Variants in RTN4IP1 observed in about 807,000 individuals in gnomAD.
The protein encoded by RTN4IP1 is NAD(P)H oxidoreductase RTN4IP1, mitochondrial.
A neutral mutation model predicts 46.6 loss-of-function variants in RTN4IP1; 32 were observed. That is an observed-to-expected ratio of 0.69 (90% CI 0.52 to 0.92). RTN4IP1 has a LOEUF of 0.92. Among genes scored for constraint, RTN4IP1 ranks in the 40% least tolerant of loss-of-function variants. RTN4IP1 has a pLI of 0.00. For missense variants in RTN4IP1, 424 were observed against 485.8 expected (o/e 0.87, Z 1.20); for synonymous variants, 167 against 161.8 (o/e 1.03, Z -0.24).
chr6:106,625,487 C>CAA (rs1776611421), intron 1 of RTN4IP1, among the ~76,000 whole-genome samples: 1 of 152,032 alleles, frequency 6.6e-6, no homozygotes, highest in Non-Finnish European at 1.5e-5. Context: ...CTGCCAGGAG[C>CAA]AACTGCTGTG....
chr6:106,573,933 C>T (rs78109497), intron 8 of RTN4IP1, among the ~76,000 whole-genome samples: 5,040 of 152,274 alleles, frequency 0.033, 273 homozygotes, highest in East Asian at 0.19. Flanking sequence ...GTGTGCTACA[C>T]GGGTGCCATC....
At chr6:106,587,274 A>G (rs1775509877) in intron 7 of RTN4IP1, among the ~76,000 whole-genome samples, 1 of 152,268 alleles carries the variant, frequency 6.6e-6, no homozygotes. Context: ...CATCAGGTAG[A>G]GACAAGAAGG....
chr6:106,610,846 C>G (rs1562149014), intron 4 of RTN4IP1, among the ~76,000 whole-genome samples: 1 of 151,998 alleles, frequency 6.6e-6, no homozygotes, highest in East Asian at 1.9e-4. Flanking sequence ...ATTCTTAAAC[C>G]CTAAAATCTA....
chr6:106,604,468 C>A (rs888401704), intron 4 of RTN4IP1, among the ~76,000 whole-genome samples: 1 of 152,088 alleles, frequency 6.6e-6, no homozygotes, highest in South Asian at 2.1e-4. Context: ...AGCCTCAGAA[C>A]GAAGGTCTCT....
At chr6:106,605,800 G>A in intron 4 of RTN4IP1, among the ~76,000 whole-genome samples, 1 of 120,818 alleles carries the variant, frequency 8.3e-6, no homozygotes, top group Admixed American at 1.1e-4. Context: ...CTGGGCGACA[G>A]AGCAAGACTC....
Position 106,628,853 on chromosome 6 carries a change from G to T in RTN4IP1, c.169C>A (p.Leu57Ile), listed in dbSNP as rs1776728162. 1 of 1,614,104 alleles carries T rather than the reference G, an allele frequency of 6.2e-7. No homozygotes were observed. The highest frequency in any genetic ancestry group is 8.5e-7 in the Non-Finnish European group (1 of 1,179,964). ...ATCATCATGTTCTGAGTGAATCGAAGCACTTCATTCTTCCCATATTTATCT... is the reference window on the plus strand; with the variant it reads ...ATCATCATGTTCTGAGTGAATCGAATCACTTCATTCTTCCCATATTTATCT... ...VIDKYGKNEV[L>I]RFTQNMMMPI... Residue 57 changes from leucine (L) to isoleucine (I), a missense_variant, in exon 1 of 9, where the codon CTT becomes ATT. Physicochemically the swap from Leu to Ile is conservative, Grantham distance 5. Transcript: ENST00000369063.
intron 1 of RTN4IP1, among the ~76,000 whole-genome samples, chr6:106,626,697 G>A (rs777254459): frequency 6.6e-6 from 1 of 152,150 alleles, no homozygotes; most frequent in South Asian, 2.1e-4. Flanking sequence ...GTTAGTAATT[G>A]AGAACCTGTT....
At chr6:106,582,360 T>C (rs1173467698) in intron 8 of RTN4IP1, among the ~76,000 whole-genome samples, 1 of 152,202 alleles carries the variant, frequency 6.6e-6, no homozygotes, top group Non-Finnish European at 1.5e-5. Context: ...CTCCAGTCCC[T>C]GCCCACTGCA....
In RTN4IP1 at chr6:106,621,601, G is replaced by T; in HGVS notation, c.427-108C>A. The T allele has an allele frequency of 4.8e-6, 4 of 829,202 alleles. No individual in the cohort carries two copies. The East Asian group carries it at 9.7e-5, about 20-fold the overall frequency. 51.4% of individuals were successfully genotyped at this position (829,202 alleles called of 1,614,324 possible). ...TATACCCTGTGCTGTGAAAAACACA[G>T]AAGTCAGCACTACACCAAGCAGGAG... On this transcript the variant is annotated intron_variant, in intron 2 of 8. Coordinates refer to ENST00000369063, the MANE Select transcript of RTN4IP1 (RefSeq NM_032730.5).
At chr6:106,580,468 C>A (rs1775338435) in intron 8 of RTN4IP1, among the ~76,000 whole-genome samples, 1 of 151,926 alleles carries the variant, frequency 6.6e-6, no homozygotes, top group Admixed American at 6.6e-5. Flanking sequence ...TCTGTAATCC[C>A]AGCACTTTGG....
chr6:106,624,411 G>GTGA (rs1776578379), intron 1 of RTN4IP1, among the ~76,000 whole-genome samples: 1 of 151,734 alleles, frequency 6.6e-6, no homozygotes, highest in Non-Finnish European at 1.5e-5. Context: ...ATGCAGTGAT[G>GTGA]TGATCTTGGC....
At chr6:106,573,268 G>C (rs1387262254) in intron 8 of RTN4IP1, among the ~76,000 whole-genome samples, 2 of 152,210 alleles carry the variant, frequency 1.3e-5, no homozygotes, top group African/African-American at 2.4e-5. Flanking sequence ...TCAGTGGCCT[G>C]CCTCCCATAG....
At chr6:106,621,330 A>T (rs1363309298) in intron 3 of RTN4IP1, 95 bp downstream of exon 3, 9 of 930,330 alleles carry the variant, frequency 9.7e-6, no homozygotes, top group Middle Eastern at 2.2e-4. Context: ...TGCCCCATCA[A>T]ACATAAACTA....
intron 7 of RTN4IP1, among the ~76,000 whole-genome samples, chr6:106,586,191 T>C (rs1484171917): frequency 6.6e-6 from 1 of 152,104 alleles, no homozygotes; most frequent in Non-Finnish European, 1.5e-5. Flanking sequence ...TTCATCCCCA[T>C]AAAAGGTCCC....
At chr6:106,594,002 C>A (rs2114644056) in intron 5 of RTN4IP1, among the ~76,000 whole-genome samples, 1 of 152,282 alleles carries the variant, frequency 6.6e-6, no homozygotes, top group Non-Finnish European at 1.5e-5. Flanking sequence ...ACATTTAATA[C>A]ATGTTTTTCT....
intron 2 of RTN4IP1, among the ~76,000 whole-genome samples, 195 bp downstream of exon 2, chr6:106,622,623 C>G (rs1776509642): frequency 6.6e-6 from 1 of 152,168 alleles, no homozygotes; most frequent in Non-Finnish European, 1.5e-5. Flanking sequence ...TACTCGAGAC[C>G]TACGTCATTT....
intron 7 of RTN4IP1, among the ~76,000 whole-genome samples, chr6:106,587,212 A>T (rs1426908749): frequency 6.6e-6 from 1 of 152,268 alleles, no homozygotes; most frequent in Non-Finnish European, 1.5e-5. Flanking sequence ...GTAAGTTTTC[A>T]TCTTTATATA....
Position 106,620,250 on chromosome 6 carries a change from G to A in RTN4IP1, c.496-924C>T, listed in dbSNP as rs148057039. Among the ~76,000 whole-genome samples the A allele has an allele frequency of 6.1e-3, 924 of 152,076 alleles. 5 individuals carry two copies. Among genetic ancestry groups the A allele is most frequent in the Non-Finnish European group, 9.9e-3 (671 of 67,976 alleles). On this transcript the variant is annotated intron_variant, in intron 3 of 8. Coordinates refer to ENST00000369063, the MANE Select transcript of RTN4IP1 (RefSeq NM_032730.5). Reference sequence around the variant, plus strand: ...CTCCCAAGTAGCTGGGACTACAGGCGCCCAACACCATGCCCGGCTAATTTT... The same window carrying A: ...CTCCCAAGTAGCTGGGACTACAGGCACCCAACACCATGCCCGGCTAATTTT...
intron 8 of RTN4IP1, among the ~76,000 whole-genome samples, chr6:106,579,044 G>A (rs939122376): frequency 4.6e-5 from 7 of 151,852 alleles, no homozygotes; most frequent in African/African-American, 1.7e-4. Flanking sequence ...AGACCAGCCT[G>A]GCCAACATGG....
Sources: allele counts gnomAD v4.1 joint callset (sites outside exome capture counted in the v4.1 genomes callset), GRCh38; gene constraint gnomAD v4.1.1; transcripts MANE v1.5; gene names NCBI Gene and HGNC (gene_info 2026-07-23, HGNC 2026-07-21).